CNTNAP2: variants seen among roughly 807,000 people sequenced by gnomAD.
CNTNAP2 encodes the protein contactin-associated protein-like 2.
A neutral mutation model predicts 155.2 loss-of-function variants in CNTNAP2; 98 were observed. The observed-to-expected ratio is 0.63, with a 90% CI of 0.54 to 0.75. The LOEUF is 0.75. CNTNAP2 is among the 30% of genes least tolerant of loss of function. The pLI is 0.00. For missense variants in CNTNAP2, 1,727 were observed against 1,688.1 expected (o/e 1.02, Z -0.40); for synonymous variants, 651 against 631.2 (o/e 1.03, Z -0.47).
intron 1 of CNTNAP2, among the ~76,000 whole-genome samples, chr7:146,616,823 G>C (rs1438610313): frequency 6.6e-6 from 1 of 152,068 alleles, no homozygotes; most frequent in Non-Finnish European, 1.5e-5. Flanking sequence ...ATCTCACTGA[G>C]AGGAGTCGAG....
chr7:147,441,161 C>T (rs1797629982), intron 10 of CNTNAP2, among the ~76,000 whole-genome samples: 2 of 151,760 alleles, frequency 1.3e-5, no homozygotes, highest in South Asian at 2.1e-4. Context: ...TTTTTGTTTT[C>T]TTTTGTCTCC....
At chr7:147,608,087 G>C (rs1469056767) in intron 12 of CNTNAP2, among the ~76,000 whole-genome samples, 1 of 151,848 alleles carries the variant, frequency 6.6e-6, no homozygotes. Flanking sequence ...GCCTAGAACA[G>C]TGCTTGGAAT....
At chr7:147,968,529 G>A (rs1801266986) in intron 14 of CNTNAP2, among the ~76,000 whole-genome samples, 2 of 152,294 alleles carry the variant, frequency 1.3e-5, no homozygotes, top group South Asian at 4.1e-4. Flanking sequence ...GCCCATCAAG[G>A]CAAGAGTGAG....
chr7:147,467,873 T>A (rs73158391), intron 10 of CNTNAP2, among the ~76,000 whole-genome samples: 2 of 132,990 alleles, frequency 1.5e-5, no homozygotes, highest in Admixed American at 7.6e-5. Context: ...CTAAAAAAAA[T>A]TTTAAAAATC....
chr7:146,275,374 ATAAGTTTT>A (rs1401872176), intron 1 of CNTNAP2, among the ~76,000 whole-genome samples: 12 of 152,320 alleles, frequency 7.9e-5, no homozygotes, highest in Admixed American at 5.9e-4. Context: ...CTGACTCCGA[ATAAGTTTT>A]TAAAATAGTA....
intron 1 of CNTNAP2, among the ~76,000 whole-genome samples, chr7:146,218,958 C>A (rs1290097797): frequency 6.6e-6 from 1 of 152,114 alleles, no homozygotes; most frequent in Non-Finnish European, 1.5e-5. Flanking sequence ...TATAAAGACA[C>A]TATCTGAGAC....
intron 1 of CNTNAP2, among the ~76,000 whole-genome samples, chr7:146,682,735 A>G (rs1472405253): frequency 6.6e-6 from 1 of 152,240 alleles, no homozygotes; most frequent in Non-Finnish European, 1.5e-5. Flanking sequence ...GTCAACAGAC[A>G]TTTCAGGGCA....
At chr7:147,129,360 G>A in intron 7 of CNTNAP2, among the ~76,000 whole-genome samples, 1 of 152,128 alleles carries the variant, frequency 6.6e-6, no homozygotes, top group South Asian at 2.1e-4. Context: ...GATTTCCACT[G>A]CATAGCCAAA....
intron 1 of CNTNAP2, among the ~76,000 whole-genome samples, chr7:146,560,186 C>T (rs758920167): frequency 6.6e-6 from 1 of 151,982 alleles, no homozygotes; most frequent in African/African-American, 2.4e-5. Context: ...ATCTTGAGTC[C>T]ACCAAGTCAA....
intron 10 of CNTNAP2, among the ~76,000 whole-genome samples, chr7:147,479,676 T>C (rs1434954294): frequency 6.6e-6 from 1 of 152,146 alleles, no homozygotes; most frequent in Non-Finnish European, 1.5e-5. Flanking sequence ...CCAAGTTAAG[T>C]TGCTTATCTC....
At chr7:147,916,959 A>G (rs891860869) in intron 14 of CNTNAP2, among the ~76,000 whole-genome samples, 1 of 152,166 alleles carries the variant, frequency 6.6e-6, no homozygotes, top group Non-Finnish European at 1.5e-5. Flanking sequence ...CTTATGTATT[A>G]TCAGTTGTTC....
chr7:147,357,583 C>T (rs1295621624), intron 9 of CNTNAP2, among the ~76,000 whole-genome samples: 2 of 151,978 alleles, frequency 1.3e-5, no homozygotes, highest in East Asian at 3.9e-4. Flanking sequence ...GTTTCTTAGT[C>T]TTCTGCTCCT....
intron 18 of CNTNAP2, among the ~76,000 whole-genome samples, chr7:148,213,584 C>T (rs2116750381): frequency 6.6e-6 from 1 of 152,214 alleles, no homozygotes; most frequent in South Asian, 2.1e-4. Context: ...GCCTGCCTCC[C>T]ACCCTCCCTC....
intron 1 of CNTNAP2, among the ~76,000 whole-genome samples, chr7:146,207,641 T>G (rs1166716410): frequency 1.3e-5 from 2 of 149,544 alleles, no homozygotes; most frequent in African/African-American, 2.5e-5. Context: ...GACTGTGTTT[T>G]TTTTTTTTTT....
At chr7:146,425,535 A>C (rs1393232780) in intron 1 of CNTNAP2, among the ~76,000 whole-genome samples, 1 of 152,112 alleles carries the variant, frequency 6.6e-6, no homozygotes, top group Non-Finnish European at 1.5e-5. Context: ...GTACATCAAT[A>C]ATTATTTTTT....
intron 2 of CNTNAP2, among the ~76,000 whole-genome samples, chr7:146,793,769 G>A (rs1490225463): frequency 6.6e-6 from 1 of 152,220 alleles, no homozygotes. Context: ...CTGGCCCAGG[G>A]TGGGATTAGA....
intron 15 of CNTNAP2, among the ~76,000 whole-genome samples, chr7:148,023,566 C>T (rs1216883842): frequency 6.6e-6 from 1 of 152,064 alleles, no homozygotes; most frequent in Admixed American, 6.6e-5. Flanking sequence ...TGCTGAAGAT[C>T]AGGGGAGATG....
In CNTNAP2 at chr7:148,213,700, AGT is replaced by A. The variant is rs539748146; in HGVS notation, c.3011-3583_3011-3582del. On this transcript the variant is annotated intron_variant, in intron 18 of 23. Transcript: ENST00000361727. ...CTCTCTGTGGCAAACTGAACTGCTC[AGT>A]GTGTTTTCTCCAGGCGGCCCGCCCT... is the stretch of plus-strand genomic sequence containing the variant. Among the ~76,000 whole-genome samples the A allele has an allele frequency of 3.4e-3, 522 of 152,038 alleles. 5 individuals carry two copies. The highest frequency in any genetic ancestry group is 5.9e-3 in the Non-Finnish European group (402 of 67,982).
chr7:147,375,036 G>A (rs1796412045), intron 9 of CNTNAP2, among the ~76,000 whole-genome samples: 1 of 151,958 alleles, frequency 6.6e-6, no homozygotes, highest in Non-Finnish European at 1.5e-5. Flanking sequence ...CATGAGATCT[G>A]ATGGTTTTAT....
Sources: allele counts gnomAD v4.1 joint callset (sites outside exome capture counted in the v4.1 genomes callset), GRCh38; gene constraint gnomAD v4.1.1; transcripts MANE v1.5; gene names NCBI Gene and HGNC (gene_info 2026-07-23, HGNC 2026-07-21).